Variants in ALDH7A1 observed in about 807,000 individuals in gnomAD.
ALDH7A1 encodes the protein aldehyde dehydrogenase 7 family member A1.
A neutral mutation model predicts 79.9 loss-of-function variants in ALDH7A1; 63 were observed. The observed-to-expected ratio is 0.79, with a 90% confidence interval of 0.64 to 0.97. The LOEUF (loss-of-function observed/expected upper bound fraction) is 0.97. ALDH7A1 is among the 50% of genes least tolerant of loss of function. The pLI is 0.00. For missense variants in ALDH7A1, 627 were observed against 665.2 expected (o/e 0.94, Z 0.63); for synonymous variants, 240 against 231.2 (o/e 1.04, Z -0.34).
intron 3 of ALDH7A1, chr5:126,587,104 A>G (rs1159934428): frequency 2.0e-5 from 3 of 151,954 alleles, no homozygotes; most frequent in Admixed American, 2.0e-4. Flanking sequence ...AAGAAAAAAA[A>G]AAACAGTTCC....
At chr5:126,591,987 G>A (rs577295203) in intron 3 of ALDH7A1, 2 of 148,892 alleles carry the variant, frequency 1.3e-5, no homozygotes, top group Non-Finnish European at 2.9e-5. Flanking sequence ...TGGATGGAGT[G>A]CAGTGATGCT....
At chr5:126,576,308 T>C (rs1185989489) in intron 6 of ALDH7A1, among the ~76,000 whole-genome samples, 1 of 151,500 alleles carries the variant, frequency 6.6e-6, no homozygotes, top group Non-Finnish European at 1.5e-5. Flanking sequence ...GAGTTTTTTC[T>C]CTTGTTAAAG....
intron 8 of ALDH7A1, chr5:126,569,166 G>C (rs1338308911): frequency 6.6e-6 from 1 of 152,234 alleles, no homozygotes; most frequent in African/African-American, 2.4e-5. Context: ...ACTCTATTGT[G>C]AGCTGTGCAT....
intron 9 of ALDH7A1, 157 bp downstream of exon 9, chr5:126,568,102 C>CT: frequency 1.4e-6 from 1 of 692,386 alleles, no homozygotes; most frequent in South Asian, 1.6e-5. Flanking sequence ...TAATATTCTA[C>CT]TGCTAATAAC....
intron 4 of ALDH7A1, among the ~76,000 whole-genome samples, chr5:126,583,592 T>C (rs1206661046): frequency 6.6e-6 from 1 of 151,728 alleles, no homozygotes; most frequent in Admixed American, 6.6e-5. Flanking sequence ...TCCCAGCACT[T>C]TGAGAGGCCG....
At chr5:126,552,253 G>T in intron 13 of ALDH7A1, 116 bp from the exon 14 acceptor site, 2 of 721,744 alleles carry the variant, frequency 2.8e-6, no homozygotes, top group South Asian at 3.2e-5. Flanking sequence ...TCATTTATAG[G>T]TGAATTATTT....
intron 16 of ALDH7A1, among the ~76,000 whole-genome samples, chr5:126,548,181 A>T (rs1749856574): frequency 6.6e-6 from 1 of 152,040 alleles, no homozygotes; most frequent in South Asian, 2.1e-4. Flanking sequence ...GGTCACACTC[A>T]CTCTGTCACC....
At chr5:126,578,543 TGAG>T (rs1751056525) in intron 5 of ALDH7A1, among the ~76,000 whole-genome samples, 1 of 146,900 alleles carries the variant, frequency 6.8e-6, no homozygotes, top group Non-Finnish European at 1.5e-5. Flanking sequence ...CTTGGGAGGC[TGAG>T]GAGAACTGCT....
intron 1 of ALDH7A1, among the ~76,000 whole-genome samples, chr5:126,594,744 T>C (rs894914403): frequency 2.0e-5 from 3 of 151,886 alleles, no homozygotes; most frequent in African/African-American, 7.3e-5. Flanking sequence ...CCGCGCCCGG[T>C]AGACCATAAT....
Position 126,550,001 on chromosome 5 carries a change from G to T in ALDH7A1, c.1417C>A (p.Pro473Thr), listed in dbSNP as rs2112752456. 4.3e-6 allele frequency: 7 copies of T among 1,613,994 alleles called. No homozygotes were observed. Among genetic ancestry groups the T allele is most frequent in the Non-Finnish European group, 5.9e-6 (7 of 1,179,962 alleles). ...DLGRIFRWLG[P>T]KGSDCGIVNV... Reference sequence around the variant, plus strand: ...ACAATGCCACAGTCTGATCCTTTAGGTCTGTGTAAAAAGGGAGGCATGGTG... The same window carrying T: ...ACAATGCCACAGTCTGATCCTTTAGTTCTGTGTAAAAAGGGAGGCATGGTG... Residue 473 changes from proline (P) to threonine (T), a missense_variant and splice_region_variant, in exon 16 of 18, where the codon CCT becomes ACT. By Grantham distance (38) the Pro-to-Thr change is conservative (BLOSUM62 -1). Transcript: ENST00000409134.
chr5:126,570,574 G>A (rs1750737861), intron 8 of ALDH7A1: 1 of 576,414 alleles, frequency 1.7e-6, no homozygotes, highest in East Asian at 3.1e-5. Context: ...TAGTACCTCT[G>A]GGCAATTAAA....
Position 126,568,343 on chromosome 5 carries a change from T to G in ALDH7A1, c.787A>C (p.Lys263Gln), listed in dbSNP as rs1210154742. The G allele has an allele frequency of 6.2e-7, 1 of 1,614,120 alleles. No individual in the cohort carries two copies. The highest frequency in any genetic ancestry group is 8.5e-7 in the Non-Finnish European group (1 of 1,179,974). ...GACAGCAGGTTCACTCGTTCATCTTTGGCCATTGCTGTGCTGCAAGGGAAC... is the reference window on the plus strand; with the variant it reads ...GACAGCAGGTTCACTCGTTCATCTTGGGCCATTGCTGTGCTGCAAGGGAAC... ...GGADIGTAMAKDERVNLLSFT... is the reference protein window; with the variant it reads ...GGADIGTAMAQDERVNLLSFT... Residue 263 changes from lysine to glutamine, a missense_variant, in exon 9 of 18, where the codon AAA (lysine) becomes CAA (glutamine). Transcript: ENST00000409134.
Position 126,570,785 on chromosome 5 carries a change from A to T in ALDH7A1, c.770T>A (p.Ile257Asn). Residue 257 changes from isoleucine to asparagine, a missense_variant, in exon 8 of 18, where the codon ATT becomes AAT. By Grantham distance (149) the Ile-to-Asn change is moderately radical. Transcript: ENST00000409134. Reference sequence around the variant, plus strand: ...TGCTCTCAGCCTAGTAACCTACCCAATATCTGCTCCACCACAAGTCAAGGA... The same window carrying T: ...TGCTCTCAGCCTAGTAACCTACCCATTATCTGCTCCACCACAAGTCAAGGA... ...ICSLTCGGAD[I>N]GTAMAKDERV... 6.2e-7 allele frequency: 1 copy of T among 1,613,980 alleles called. No individual in the cohort carries two copies. Among genetic ancestry groups the T allele is most frequent in the Non-Finnish European group, 8.5e-7 (1 of 1,179,874 alleles).
At chr5:126,577,279 C>CA (rs1729679364) in intron 5 of ALDH7A1, 68 bp from the exon 6 acceptor site, 11 of 1,588,768 alleles carry the variant, frequency 6.9e-6, no homozygotes, top group Non-Finnish European at 9.4e-6. Context: ...TTAATAAGAA[C>CA]AAACGTACAG....
chr5:126,556,577 G>A (rs1750202932), intron 11 of ALDH7A1, among the ~76,000 whole-genome samples: 2 of 152,076 alleles, frequency 1.3e-5, no homozygotes, highest in Admixed American at 6.6e-5. Context: ...TTCCAAGGAT[G>A]TATTTGTCTA....
chr5:126,553,330 T>C (rs1315594923), intron 13 of ALDH7A1: 1 of 152,248 alleles, frequency 6.6e-6, no homozygotes, highest in African/African-American at 2.4e-5. Context: ...TTGCATATCA[T>C]CATTGTGCAT....
chr5:126,594,427 A>G (rs1751667896), intron 1 of ALDH7A1: 2 of 290,294 alleles, frequency 6.9e-6, no homozygotes, highest in Non-Finnish European at 1.4e-5. Flanking sequence ...TCCCAAGACC[A>G]TAAGGTTTTA....
rs548479497 is a variant in ALDH7A1 at position 126,554,155 on chromosome 5, T to C, written c.1200+132A>G. 4.8e-4 allele frequency: 324 copies of C among 673,520 alleles called. 2 individuals carry two copies. The highest frequency in any genetic ancestry group is 7.7e-4 in the Non-Finnish European group (296 of 384,830). The allele number at this position is 673,520 out of a possible 1,614,324, so 41.7% of individuals were successfully genotyped here. A position where few individuals can be genotyped will look rare whatever the true frequency, so the allele number is the denominator to read the frequency against. On this transcript the variant is annotated intron_variant, in intron 13 of 17. Transcript: ENST00000409134. ...CATGTGTTTCCTTGTTTTATAATAA[T>C]ATATATAAATAAAGACAGGAGAAGA...
rs781689862 is a variant in ALDH7A1 at position 126,561,168 on chromosome 5, A to AT, written c.872-45dup. Reference sequence around the variant, plus strand: ...TATATAAAAATTAATGCCTACTTCCATATTTACTGCACACTGCTACACAGC... The same window carrying AT: ...TATATAAAAATTAATGCCTACTTCCATTATTTACTGCACACTGCTACACAGC... On this transcript the variant is annotated intron_variant, in intron 9 of 17. Coordinates refer to ENST00000409134, the MANE Select transcript of ALDH7A1 (RefSeq NM_001182.5). 6.0e-5 allele frequency: 88 copies of AT among 1,473,256 alleles called. 2 individuals are homozygous for AT. In the Admixed American group the frequency reaches 1.5e-3, roughly 26 times the overall value. The allele number at this position is 1,473,256 out of a possible 1,614,324, so 91.3% of individuals were successfully genotyped here. A position where few individuals can be genotyped will look rare whatever the true frequency, so the allele number is the denominator to read the frequency against.
Sources: allele counts gnomAD v4.1 joint callset (sites outside exome capture counted in the v4.1 genomes callset), GRCh38; gene constraint gnomAD v4.1.1; transcripts MANE v1.5; gene names NCBI Gene and HGNC (gene_info 2026-07-23, HGNC 2026-07-21).